The following SMYD3 variants were observed in gnomAD, a reference collection of about 807,000 sequenced individuals.
The protein encoded by SMYD3 is histone-lysine N-methyltransferase SMYD3.
In SMYD3, 36 loss-of-function variants were observed where a neutral mutation model predicts 57.7. That is an observed-to-expected ratio of 0.62 (90% CI 0.48 to 0.82). The LOEUF (loss-of-function observed/expected upper bound fraction) is 0.82, where lower values mean the gene tolerates loss of function less well. Ranked by LOEUF, SMYD3 falls within the 40% of genes least tolerant of loss-of-function variation. The pLI is 0.00. For missense variants in SMYD3, 515 were observed against 538.8 expected (o/e 0.96, Z 0.44); for synonymous variants, 211 against 195.0 (o/e 1.08, Z -0.68).
At chr1:245,905,024 A>C (rs10737778) in intron 8 of SMYD3, among the ~76,000 whole-genome samples, 1 of 151,674 alleles carries the variant, frequency 6.6e-6, no homozygotes, top group Admixed American at 6.6e-5. Context: ...TGAAGGAAAC[A>C]ACCCAGTCCT....
chr1:246,181,910 T>C (rs6690727), intron 5 of SMYD3, among the ~76,000 whole-genome samples: 10,730 of 152,276 alleles, frequency 0.07, 547 homozygotes, highest in African/African-American at 0.13. Context: ...TTTAATTACA[T>C]TGTACCTACA....
At chr1:246,170,042 G>A (rs991428075) in intron 5 of SMYD3, among the ~76,000 whole-genome samples, 4 of 152,076 alleles carry the variant, frequency 2.6e-5, no homozygotes, top group African/African-American at 9.7e-5. Context: ...TTCTGAGTCT[G>A]CATCGTTCTT....
chr1:246,181,865 T>A (rs928784302), intron 5 of SMYD3, among the ~76,000 whole-genome samples: 1 of 152,146 alleles, frequency 6.6e-6, no homozygotes, highest in African/African-American at 2.4e-5. Flanking sequence ...AAAAATGAAT[T>A]CTAACACTAG....
At chr1:245,816,937 G>C (rs4501812) in intron 10 of SMYD3, among the ~76,000 whole-genome samples, 97,847 of 150,842 alleles carry the variant, frequency 0.65, 35,235 homozygotes, top group Non-Finnish European at 0.83. Flanking sequence ...AGCAGTCTGA[G>C]ATCAAACTGC....
chr1:246,430,389 A>G (rs1344119896), intron 1 of SMYD3, among the ~76,000 whole-genome samples: 1 of 152,228 alleles, frequency 6.6e-6, no homozygotes, highest in East Asian at 1.9e-4. Context: ...AGTAAATAAC[A>G]TGGAGGTATT....
chr1:246,076,597 A>G (rs1303325746), intron 5 of SMYD3, among the ~76,000 whole-genome samples: 1 of 152,342 alleles, frequency 6.6e-6, no homozygotes, highest in East Asian at 1.9e-4. Context: ...ATAGTAAAAA[A>G]TAAGTCTAAG....
chr1:245,932,602 C>G (rs2056784533), intron 5 of SMYD3, among the ~76,000 whole-genome samples: 2 of 152,156 alleles, frequency 1.3e-5, no homozygotes, highest in African/African-American at 2.4e-5. Context: ...CTCTGTCACC[C>G]AGGCTGGAGT....
At chr1:245,982,189 C>A (rs1258003256) in intron 5 of SMYD3, among the ~76,000 whole-genome samples, 1 of 152,204 alleles carries the variant, frequency 6.6e-6, no homozygotes, top group Non-Finnish European at 1.5e-5. Context: ...GGCTGGAGTG[C>A]GGTAGCATGA....
At chr1:246,457,569 GAAAAGA>G (rs2067722623) in intron 1 of SMYD3, among the ~76,000 whole-genome samples, 1 of 138,718 alleles carries the variant, frequency 7.2e-6, no homozygotes, top group Non-Finnish European at 1.6e-5. Context: ...GAAAAGAAAA[GAAAAGA>G]AAAAGAAAAA....
chr1:245,758,843 G>A (rs942511355), intron 11 of SMYD3, among the ~76,000 whole-genome samples: 4 of 152,122 alleles, frequency 2.6e-5, no homozygotes, highest in African/African-American at 4.8e-5. Flanking sequence ...CATTAAGATT[G>A]AGATATTCCT....
chr1:246,299,348 G>A (rs1171643254), intron 5 of SMYD3, among the ~76,000 whole-genome samples: 3 of 152,064 alleles, frequency 2.0e-5, no homozygotes, highest in African/African-American at 7.2e-5. Context: ...AAAATAACAT[G>A]TTGGTGAGGT....
rs2148512143 is a variant in SMYD3 at position 246,256,714 on chromosome 1, T to C, written c.531+70487A>G. Among the ~76,000 whole-genome samples the C allele has an allele frequency of 2.0e-5, 3 of 152,264 alleles. No individual in the cohort carries two copies. In the South Asian group the frequency reaches 6.2e-4, roughly 32 times the overall value. On this transcript the variant is annotated intron_variant, in intron 5 of 11. Coordinates refer to ENST00000490107, the MANE Select transcript of SMYD3 (RefSeq NM_001167740.2). ...GTTATTTCTCTTTTTCTGCTAGCTT[T>C]GAAATGTTTGTTCTTGTTTTTCTAG...
At chr1:246,168,095 G>A (rs1194864967) in intron 5 of SMYD3, among the ~76,000 whole-genome samples, 1 of 152,154 alleles carries the variant, frequency 6.6e-6, no homozygotes, top group Admixed American at 6.5e-5. Flanking sequence ...TAGTCACTAT[G>A]AGACCTTGAC....
chr1:245,828,107 C>G (rs967846181), intron 10 of SMYD3, among the ~76,000 whole-genome samples: 1 of 152,122 alleles, frequency 6.6e-6, no homozygotes, highest in African/African-American at 2.4e-5. Context: ...AAAAGCAATG[C>G]AAATTCCTAG....
intron 10 of SMYD3, among the ~76,000 whole-genome samples, chr1:245,786,220 G>GC (rs2047041307): frequency 6.8e-6 from 1 of 146,540 alleles, no homozygotes; most frequent in Non-Finnish European, 1.5e-5. Context: ...GGACGGGGGG[G>GC]GGATGGTGGC....
In SMYD3 at chr1:246,406,902, A is replaced by G. The variant is rs570302020; in HGVS notation, c.165-51808T>C. On this transcript the variant is annotated intron_variant, in intron 1 of 11. Transcript: ENST00000490107. The stretch of plus-strand genomic sequence containing the variant: ...AAGCTATCGACCTGGTAATATTATT[A>G]TAGTTTATTTAATTAGATTGGCAGG... 2.9e-4 allele frequency among the ~76,000 whole-genome samples: 44 copies of G among 152,360 alleles called. 2 individuals carry two copies. The South Asian group carries it at 8.3e-3, about 29-fold the overall frequency.
intron 5 of SMYD3, among the ~76,000 whole-genome samples, chr1:246,169,721 C>T (rs780439742): frequency 9.2e-5 from 14 of 151,914 alleles, no homozygotes; most frequent in Admixed American, 2.6e-4. Flanking sequence ...CTGGCCAACA[C>T]GGTGAAACCC....
intron 5 of SMYD3, among the ~76,000 whole-genome samples, chr1:246,132,701 T>C (rs759765158): frequency 1.2e-4 from 18 of 152,056 alleles, no homozygotes; most frequent in Non-Finnish European, 2.1e-4. Flanking sequence ...AAGCAATCCA[T>C]AGAATGGGAG....
chr1:246,153,869 C>G (rs1345744321), intron 5 of SMYD3, among the ~76,000 whole-genome samples: 2 of 152,146 alleles, frequency 1.3e-5, no homozygotes, highest in Non-Finnish European at 2.9e-5. Flanking sequence ...GAAAAAAAAC[C>G]CTTTATACTT....
Sources: gnomAD v4.1 joint callset for allele counts (sites outside exome capture counted in the v4.1 genomes callset) on GRCh38, gnomAD v4.1.1 for gene constraint, MANE v1.5 for transcripts, NCBI Gene and HGNC (gene_info 2026-07-23, HGNC 2026-07-21) for gene names.